The following ODF2L variants were observed in gnomAD, a reference collection of about 807,000 sequenced individuals.
ODF2L encodes the protein outer dense fiber of sperm tails 2 like.
In ODF2L, 76 loss-of-function variants were observed where a neutral mutation model predicts 86.3. The observed-to-expected ratio is 0.88, with a 90% confidence interval of 0.73 to 1.07. ODF2L has a LOEUF of 1.07. ODF2L is among the 50% of genes least tolerant of loss of function. The pLI, the probability that ODF2L is intolerant of heterozygous loss-of-function variation, is 0.00. For missense variants in ODF2L, 748 were observed against 717.4 expected (o/e 1.04, Z -0.49); for synonymous variants, 241 against 231.3 (o/e 1.04, Z -0.38).
Position 86,385,610 on chromosome 1 carries a change from C to A in ODF2L, c.114-20G>T. On this transcript the variant is annotated intron_variant, in intron 2 of 17. Transcript: ENST00000317336. ...TTCAGGCTAATTACAAATGCACATACAAAATTTAAGTTAAATCCATTTCAT... is the reference window on the plus strand; with the variant it reads ...TTCAGGCTAATTACAAATGCACATAAAAAATTTAAGTTAAATCCATTTCAT... 1 of 1,601,504 alleles carries A rather than the reference C, an allele frequency of 6.2e-7. No homozygotes were observed. The highest frequency in any genetic ancestry group is 8.6e-7 in the Non-Finnish European group (1 of 1,169,528).
intron 14 of ODF2L, 83 bp from the exon 14 acceptor site, chr1:86,354,942 AC>A: frequency 1.4e-6 from 1 of 738,142 alleles, no homozygotes. Flanking sequence ...TGTTAGAACA[AC>A]CACAAGCAAC....
At chr1:86,389,220 T>C (rs1411254142) in intron 1 of ODF2L, among the ~76,000 whole-genome samples, 2 of 152,234 alleles carry the variant, frequency 1.3e-5, no homozygotes, top group Non-Finnish European at 2.9e-5. Context: ...TGGAATATAC[T>C]GTTAACTGAC....
chr1:86,356,543 C>G, exon 14 of ODF2L: 1 of 1,613,990 alleles, frequency 6.2e-7, no homozygotes, highest in Non-Finnish European at 8.5e-7. Flanking sequence ...GTTCCGCCGC[C>G]GTCAAGGAAT....
chr1:86,395,746 G>T (rs1235048143), intron 1 of ODF2L, among the ~76,000 whole-genome samples: 2 of 152,160 alleles, frequency 1.3e-5, no homozygotes, highest in East Asian at 3.9e-4. Context: ...GAACGGCCCG[G>T]TCAGGACTTC....
intron 9 of ODF2L, 46 bp downstream of exon 9, chr1:86,372,385 G>C: frequency 2.1e-6 from 2 of 939,020 alleles, no homozygotes; most frequent in Non-Finnish European, 3.0e-6. Context: ...TTTTTAAAAA[G>C]TGAAAACTCT....
At chr1:86,385,574 G>C (rs908065009) in exon 3 of ODF2L, 2 of 1,611,372 alleles carry the variant, frequency 1.2e-6, no homozygotes, top group African/African-American at 2.7e-5. Context: ...TTTTCATTTA[G>C]AATGTCCTGC....
chr1:86,384,728 T>A, exon 4 of ODF2L: 2 of 1,536,618 alleles, frequency 1.3e-6, no homozygotes, highest in Middle Eastern at 4.0e-4. Flanking sequence ...TTTTACACTT[T>A]TGAAGGTGTC....
At chr1:86,361,544 T>TA (rs1231698674) in intron 11 of ODF2L, among the ~76,000 whole-genome samples, 1 of 152,118 alleles carries the variant, frequency 6.6e-6, no homozygotes, top group East Asian at 1.9e-4. Context: ...AGAAGCCATT[T>TA]AAAAAAATGT....
At chr1:86,385,202 T>C (rs539437825) in intron 3 of ODF2L, among the ~76,000 whole-genome samples, 2 of 152,154 alleles carry the variant, frequency 1.3e-5, no homozygotes, top group East Asian at 3.9e-4. Context: ...GCTGATTTTC[T>C]AGTTCAACTC....
At chr1:86,388,573 C>T (rs1297278060) in intron 1 of ODF2L, among the ~76,000 whole-genome samples, 1 of 150,550 alleles carries the variant, frequency 6.6e-6, no homozygotes, top group Admixed American at 6.6e-5. Flanking sequence ...TAAAGACTGC[C>T]TTTTTTTTTA....
exon 15 of ODF2L, chr1:86,354,828 A>G: frequency 3.7e-6 from 6 of 1,606,398 alleles, no homozygotes; most frequent in South Asian, 1.1e-5. Context: ...TTCCAGAGAA[A>G]GCTTTGTCAG....
chr1:86,396,033 G>A (rs12757699), exon 1 of ODF2L: 5,421 of 152,354 alleles, frequency 0.036, 149 homozygotes, highest in African/African-American at 0.071. Flanking sequence ...GCGTACTTAC[G>A]CCCCCGCCGC....
intron 1 of ODF2L, among the ~76,000 whole-genome samples, chr1:86,390,202 C>T (rs894092520): frequency 6.6e-6 from 1 of 152,114 alleles, no homozygotes; most frequent in Non-Finnish European, 1.5e-5. Context: ...GCGGGTGGAT[C>T]GTGAGGTCAG....
At chr1:86,354,439 A>G in intron 16 of ODF2L, 91 bp downstream of exon 15, 1 of 816,450 alleles carries the variant, frequency 1.2e-6, no homozygotes, top group South Asian at 1.8e-5. Flanking sequence ...TGTCATCAGG[A>G]CAAAAACAAT....
intron 7 of ODF2L, among the ~76,000 whole-genome samples, chr1:86,380,771 A>T (rs272515): frequency 2.0e-5 from 3 of 151,862 alleles, no homozygotes; most frequent in East Asian, 1.9e-4. Context: ...TCTGAAAATA[A>T]GAAAACGTTC....
intron 7 of ODF2L, 30 bp from the exon 8 acceptor site, chr1:86,376,448 A>G (rs1660182230): frequency 7.3e-7 from 1 of 1,363,710 alleles, no homozygotes; most frequent in Admixed American, 2.0e-5. Flanking sequence ...CAATTAAATT[A>G]TTTCAGAACT....
Position 86,355,297 on chromosome 1 carries a change from T to C in ODF2L, c.1519-438A>G, listed in dbSNP as rs183216011. The C allele has an allele frequency of 5.6e-5, 71 of 1,258,182 alleles. No homozygotes were observed. In the East Asian group the frequency reaches 1.6e-3, roughly 29 times the overall value. The allele number at this position is 1,258,182 out of a possible 1,614,324, so 77.9% of individuals were successfully genotyped here. A position where few individuals can be genotyped will look rare whatever the true frequency, so the allele number is the denominator to read the frequency against. On this transcript the variant is annotated intron_variant, in intron 14 of 17. Coordinates refer to ENST00000317336, the Ensembl canonical transcript of ODF2L. ...AAGTCGAAACTGTAAATAAAATACA[T>C]ATTTTTTTGAGAAGCAAAGTGAACA...
chr1:86,367,040 C>T (rs1241104211), intron 11 of ODF2L, among the ~76,000 whole-genome samples: 3 of 151,920 alleles, frequency 2.0e-5, no homozygotes, highest in Admixed American at 2.0e-4. Context: ...TGTGAAGTTT[C>T]AAAACACCAA....
intron 1 of ODF2L, among the ~76,000 whole-genome samples, chr1:86,393,549 T>C (rs1173557612): frequency 2.0e-5 from 3 of 152,222 alleles, no homozygotes; most frequent in African/African-American, 7.2e-5. Context: ...AGGATGTATA[T>C]TTAAAAGATG....
Sources: allele counts gnomAD v4.1 joint callset (sites outside exome capture counted in the v4.1 genomes callset), GRCh38; gene constraint gnomAD v4.1.1; transcripts MANE v1.5; gene names NCBI Gene and HGNC (gene_info 2026-07-23, HGNC 2026-07-21).